The following UNC13B variants were observed in gnomAD, a reference collection of about 807,000 sequenced individuals.
UNC13B encodes protein unc-13 homolog B.
Under a neutral mutation model 211.0 loss-of-function variants are expected in UNC13B, and 144 were observed. The ratio of observed to expected loss-of-function variants is 0.68; its 90% CI spans 0.60 to 0.78. The LOEUF (loss-of-function observed/expected upper bound fraction) is 0.78, where lower values mean the gene tolerates loss of function less well. Ranked by LOEUF, UNC13B falls within the 30% of genes least tolerant of loss-of-function variation. The pLI, the probability that UNC13B is intolerant of heterozygous loss-of-function variation, is 0.00. For synonymous variants in UNC13B, 709 were observed against 725.8 expected (o/e 0.98, Z 0.37); for missense variants, 1,777 against 2,002.0 (o/e 0.89, Z 2.14).
At chr9:35,403,350 C>G in intron 38 of UNC13B, 90 bp from the exon 39 acceptor site, 1 of 1,601,604 alleles carries the variant, frequency 6.2e-7, no homozygotes, top group East Asian at 2.2e-5. Context: ...AGCCCTCCAG[C>G]TCAGCCCTCC....
intron 1 of UNC13B, among the ~76,000 whole-genome samples, chr9:35,184,666 G>A (rs950391979): frequency 1.1e-4 from 17 of 151,712 alleles, no homozygotes; most frequent in South Asian, 2.1e-4. Flanking sequence ...CAAGACCACC[G>A]CAGTACAGTC....
chr9:35,238,598 CAGG>C (rs1473357103), intron 5 of UNC13B, among the ~76,000 whole-genome samples: 1 of 151,286 alleles, frequency 6.6e-6, no homozygotes, highest in Non-Finnish European at 1.5e-5. Context: ...TTGCTCTGCC[CAGG>C]CTTTAGGGCA....
At chr9:35,276,758 TATTCCCCC>T (rs1828201427) in intron 7 of UNC13B, among the ~76,000 whole-genome samples, 1 of 152,212 alleles carries the variant, frequency 6.6e-6, no homozygotes, top group African/African-American at 2.4e-5. Context: ...GTTTCGTGTA[TATTCCCCC>T]AACATTTTAA....
intron 11 of UNC13B, among the ~76,000 whole-genome samples, chr9:35,318,950 A>G (rs1173373978): frequency 2.0e-5 from 3 of 152,198 alleles, no homozygotes; most frequent in Admixed American, 1.3e-4. Context: ...CACCTGGAAC[A>G]CTGCCAGTCA....
In UNC13B at chr9:35,397,654, T is replaced by C; in HGVS notation, c.11696T>C (p.Met3899Thr). 1 of 1,613,982 alleles carries C rather than the reference T, an allele frequency of 6.2e-7. No homozygotes were observed. Among genetic ancestry groups the C allele is most frequent in the African/African-American group, 1.3e-5 (1 of 75,076 alleles). Reference protein sequence around the residue: ...RFAKTIGKVLMQYADILSKDF... With the variant: ...RFAKTIGKVLTQYADILSKDF... ...TCTCAGACCATCGGGAAGGTGCTGA[T>C]GCAGTATGCAGACATCTTGTCAAAG... The change falls in exon 30 of 40, where the codon ATG becomes ACG. Residue 3899 changes from methionine (M) to threonine (T), a missense_variant. Coordinates refer to ENST00000635942, the MANE Select transcript of UNC13B (RefSeq NM_001371189.2).
intron 2 of UNC13B, among the ~76,000 whole-genome samples, chr9:35,229,083 A>T (rs1825047575): frequency 6.6e-6 from 1 of 152,146 alleles, no homozygotes; most frequent in African/African-American, 2.4e-5. Flanking sequence ...AATCCTTATC[A>T]ACATTTGATA....
chr9:35,234,406 C>T (rs565067664), intron 3 of UNC13B, among the ~76,000 whole-genome samples: 1 of 152,192 alleles, frequency 6.6e-6, no homozygotes, highest in Non-Finnish European at 1.5e-5. Context: ...AGGCATGAGC[C>T]ATTGCACCTG....
intron 10 of UNC13B, among the ~76,000 whole-genome samples, chr9:35,312,493 G>C (rs536617480): frequency 6.6e-6 from 1 of 152,104 alleles, no homozygotes; most frequent in South Asian, 2.1e-4. Flanking sequence ...CTGTTATCAG[G>C]GCAGAGTTCC....
chr9:35,172,355 T>C (rs1821378308), intron 1 of UNC13B, among the ~76,000 whole-genome samples: 1 of 152,196 alleles, frequency 6.6e-6, no homozygotes, highest in Admixed American at 6.6e-5. Flanking sequence ...TTTGGAAATC[T>C]ACAATAGATT....
chr9:35,253,391 T>C (rs189369708), intron 6 of UNC13B, among the ~76,000 whole-genome samples: 1 of 152,300 alleles, frequency 6.6e-6, no homozygotes, highest in African/African-American at 2.4e-5. Context: ...ATCTCATCTT[T>C]GGTTAATGGG....
chr9:35,285,285 T>C (rs758830269), intron 7 of UNC13B, among the ~76,000 whole-genome samples: 1 of 152,228 alleles, frequency 6.6e-6, no homozygotes, highest in Non-Finnish European at 1.5e-5. Context: ...GGAAATTCTA[T>C]AGCTGTGTTT....
At chr9:35,396,079 T>TA (rs1190220136) in intron 26 of UNC13B, among the ~76,000 whole-genome samples, 1 of 152,194 alleles carries the variant, frequency 6.6e-6, no homozygotes, top group Non-Finnish European at 1.5e-5. Flanking sequence ...ATGACTCAGC[T>TA]ACTGTGATCA....
Position 35,396,471 on chromosome 9 carries a change from A to C in UNC13B, c.11309-5A>C, listed in dbSNP as rs1170416240. 20 of 1,613,902 alleles carry C rather than the reference A, an allele frequency of 1.2e-5. No individual in the cohort carries two copies. Among genetic ancestry groups the C allele is most frequent in the Non-Finnish European group, 1.4e-5 (17 of 1,180,004 alleles). ...ACCTGACCCAACCTTTCTCCCTACCACTAGAGCATGAGAAAGACCACCTGT... is the reference window on the plus strand; with the variant it reads ...ACCTGACCCAACCTTTCTCCCTACCCCTAGAGCATGAGAAAGACCACCTGT... On this transcript the variant is annotated splice_region_variant and splice_polypyrimidine_tract_variant and intron_variant, in intron 26 of 39. Transcript: ENST00000635942.
chr9:35,399,505 A>G (rs1836140257), intron 35 of UNC13B, 57 bp downstream of exon 35: 1 of 1,611,740 alleles, frequency 6.2e-7, no homozygotes. Flanking sequence ...TCATGGAGAG[A>G]GGGTGGCTGC....
chr9:35,370,395 T>G lies in UNC13B; in HGVS notation c.9539T>G (p.Leu3180Arg). The G allele has an allele frequency of 6.2e-7, 1 of 1,613,770 alleles. No individual in the cohort carries two copies. The highest frequency in any genetic ancestry group is 8.5e-7 in the Non-Finnish European group (1 of 1,179,956). ...RKKPLPLVSD[L>R]SLVQSRKAGI... ...AAGCCACTGCCACTTGTCAGTGATC[T>G]GGTGAGTGAAGACTCTTGTGCAGGC... Residue 3180 changes from leucine to arginine, a missense_variant and splice_region_variant, in exon 13 of 40, where the codon CTG becomes CGG. Transcript: ENST00000635942.
chr9:35,398,972 G>A lies in UNC13B; in HGVS notation c.12012G>A (p.Arg4004=), dbSNP rs780423672. Residue 4004 remains arginine, a synonymous_variant, in exon 33 of 40, where the codon AGG becomes AGA. Transcript: ENST00000635942. The part of the protein sequence containing the change: ...RGTGNASPDA[R]ASAAQDADSV... ...CAGGGAATGCATCTCCAGACGCCAG[G>A]GCCTCAGCGGCTCAGGATGCAGATA... The A allele has an allele frequency of 6.2e-7, 1 of 1,614,184 alleles. No homozygotes were observed. The highest frequency in any genetic ancestry group is 8.5e-7 in the Non-Finnish European group (1 of 1,180,030).
chr9:35,226,694 C>T lies in UNC13B; in HGVS notation c.23-1321C>T, dbSNP rs1308005170. On this transcript the variant is annotated intron_variant, in intron 1 of 39. Coordinates refer to ENST00000635942, the MANE Select transcript of UNC13B (RefSeq NM_001371189.2). ...GGAGAAAGATGGAGGCCAGAGGACT[C>T]AGGTCTGTCTTCTCCTTCCGCGTTC... Among the ~76,000 whole-genome samples, 3 of 152,300 alleles carry T rather than the reference C, an allele frequency of 2.0e-5. No individual in the cohort carries two copies. In the East Asian group the frequency reaches 5.8e-4, roughly 29 times the overall value.
At chr9:35,351,873 G>C in intron 11 of UNC13B, 2 of 1,232,270 alleles carry the variant, frequency 1.6e-6, no homozygotes, top group Non-Finnish European at 2.0e-6. Flanking sequence ...CCCTCAGAGA[G>C]GAACCAAACC....
chr9:35,232,564 G>A (rs7025711), intron 3 of UNC13B, among the ~76,000 whole-genome samples: 149,592 of 152,178 alleles, frequency 0.98, 73,572 homozygotes, highest in East Asian at 1. Context: ...AGCAGAAGAC[G>A]TAGAAAAGGA....
Sources: gnomAD v4.1 joint callset for allele counts (sites outside exome capture counted in the v4.1 genomes callset) on GRCh38, gnomAD v4.1.1 for gene constraint, MANE v1.5 for transcripts, NCBI Gene and HGNC (gene_info 2026-07-23, HGNC 2026-07-21) for gene names.